Variants in PRKAR1B observed in about 807,000 individuals in gnomAD.
PRKAR1B encodes the protein cAMP-dependent protein kinase type I-beta regulatory subunit.
PRKAR1B carries 22 observed loss-of-function variants against 46.5 expected under a neutral mutation model. The ratio of observed to expected loss-of-function variants is 0.47; its 90% CI spans 0.34 to 0.68. The LOEUF (loss-of-function observed/expected upper bound fraction) is 0.68, where lower values mean the gene tolerates loss of function less well. Ranked by LOEUF, PRKAR1B falls within the 30% of genes least tolerant of loss-of-function variation. The probability of loss-of-function intolerance (pLI) is 0.01; values close to 1 mark genes in which losing one functional copy is unlikely to be tolerated. For missense variants in PRKAR1B, 445 were observed against 535.6 expected (o/e 0.83, Z 1.67); for synonymous variants, 259 against 217.7 (o/e 1.19, Z -1.67).
chr7:674,564 A>G (rs1021032683), intron 4 of PRKAR1B, among the ~76,000 whole-genome samples: 21 of 150,964 alleles, frequency 1.4e-4, no homozygotes, highest in Admixed American at 1.4e-3. Flanking sequence ...ACACCCAGCT[A>G]CTCTGGCCAC....
chr7:723,711 C>T (rs951453273), intron 1 of PRKAR1B, among the ~76,000 whole-genome samples: 1 of 152,226 alleles, frequency 6.6e-6, no homozygotes, highest in South Asian at 2.1e-4. Flanking sequence ...CCAATGCTCC[C>T]ACCTTGAAAT....
chr7:697,670 C>A (rs1779815270), intron 2 of PRKAR1B, among the ~76,000 whole-genome samples: 1 of 151,834 alleles, frequency 6.6e-6, no homozygotes, highest in African/African-American at 2.4e-5. Context: ...CAGGCCAGGA[C>A]CCATAAGCCC....
chr7:627,178 T>TG (rs1783451554), intron 4 of PRKAR1B, among the ~76,000 whole-genome samples: 1 of 151,994 alleles, frequency 6.6e-6, no homozygotes, highest in Non-Finnish European at 1.5e-5. Context: ...TTTGTAGAGA[T>TG]GGGGTCTCGT....
chr7:577,115 G>T (rs990576199), intron 9 of PRKAR1B, among the ~76,000 whole-genome samples: 4 of 151,358 alleles, frequency 2.6e-5, no homozygotes, highest in African/African-American at 7.3e-5. Flanking sequence ...CTCGTCCAAC[G>T]CCATCAGCGG....
At chr7:651,070 C>A (rs1038809265) in intron 4 of PRKAR1B, among the ~76,000 whole-genome samples, 1 of 152,250 alleles carries the variant, frequency 6.6e-6, no homozygotes. Flanking sequence ...CGGGTTCCTG[C>A]TTTGGTGCTG....
At chr7:583,599 C>G (rs1434695268) in intron 8 of PRKAR1B, among the ~76,000 whole-genome samples, 1 of 84,076 alleles carries the variant, frequency 1.2e-5, no homozygotes, top group Admixed American at 1.1e-4. Context: ...CCCAGGTGCA[C>G]ACACACCCCC....
chr7:717,964 C>T (rs1780937660), intron 1 of PRKAR1B, among the ~76,000 whole-genome samples: 1 of 152,090 alleles, frequency 6.6e-6, no homozygotes, highest in Admixed American at 6.6e-5. Flanking sequence ...ATCTGCCTTG[C>T]CAGGGGACTC....
chr7:656,523 G>A (rs773245221), intron 4 of PRKAR1B, among the ~76,000 whole-genome samples: 4 of 152,242 alleles, frequency 2.6e-5, no homozygotes, highest in Non-Finnish European at 4.4e-5. Context: ...CTAAATGTAT[G>A]GATAAGGGGG....
At chr7:577,003 A>G (rs888609978) in intron 9 of PRKAR1B, among the ~76,000 whole-genome samples, 1 of 146,992 alleles carries the variant, frequency 6.8e-6, no homozygotes, top group African/African-American at 2.6e-5. Flanking sequence ...GCCTCATCCA[A>G]CTCCATCAGT....
At chr7:697,365 G>A (rs963848452) in intron 2 of PRKAR1B, among the ~76,000 whole-genome samples, 7 of 151,690 alleles carry the variant, frequency 4.6e-5, no homozygotes, top group African/African-American at 1.5e-4. Flanking sequence ...TCCTGCCTGC[G>A]GCCCGGTTCT....
chr7:677,151 C>T (rs1778373711), intron 4 of PRKAR1B, 78 bp downstream of exon 4: 1 of 1,389,312 alleles, frequency 7.2e-7, no homozygotes, highest in Non-Finnish European at 1.0e-6. Flanking sequence ...GATGCCCAGG[C>T]AAGTGGCGGG....
intron 8 of PRKAR1B, among the ~76,000 whole-genome samples, chr7:583,628 ACC>A (rs1234978369): frequency 7.8e-6 from 1 of 127,762 alleles, no homozygotes; most frequent in African/African-American, 3.1e-5. Flanking sequence ...GCACACTCAA[ACC>A]CCCACACTCA....
chr7:657,250 T>C (rs1583367987), intron 4 of PRKAR1B, among the ~76,000 whole-genome samples: 1 of 146,912 alleles, frequency 6.8e-6, no homozygotes, highest in African/African-American at 2.5e-5. Context: ...AATGAATGGA[T>C]GGATGAATGG....
chr7:549,968 A>G lies in PRKAR1B; in HGVS notation c.*462T>C. 6.0e-6 allele frequency: 1 copy of G among 167,504 alleles called. No homozygotes were observed. Among genetic ancestry groups the G allele is most frequent in the South Asian group, 1.4e-4 (1 of 6,934 alleles). The allele number at this position is 167,504 out of a possible 1,614,324, so 10.4% of individuals were successfully genotyped here. The stretch of plus-strand genomic sequence containing the variant: ...TCTTCGGCCTCAACTCCCTGCTCTC[A>G]GCCTCATCTCCCCTGGGGGGCAGCC... On this transcript the variant is annotated 3_prime_UTR_variant, in exon 11 of 11. Transcript: ENST00000537384.
intron 4 of PRKAR1B, among the ~76,000 whole-genome samples, chr7:626,786 C>T (rs755588121): frequency 1.8e-4 from 27 of 152,014 alleles, no homozygotes; most frequent in Non-Finnish European, 5.9e-5. Context: ...TCATAGCTCA[C>T]TGCAGCCTTG....
intron 9 of PRKAR1B, among the ~76,000 whole-genome samples, chr7:577,676 G>A (rs922016401): frequency 9.2e-5 from 14 of 152,198 alleles, no homozygotes; most frequent in African/African-American, 1.7e-4. Context: ...GCATGAATCC[G>A]AAGGGAGGGG....
At chr7:723,056 G>A (rs763991648) in intron 1 of PRKAR1B, among the ~76,000 whole-genome samples, 4 of 152,150 alleles carry the variant, frequency 2.6e-5, no homozygotes, top group Non-Finnish European at 4.4e-5. Context: ...TCCCTGGGCC[G>A]CCTGGTGTCA....
At chr7:577,867 G>C (rs9330376) in intron 9 of PRKAR1B, among the ~76,000 whole-genome samples, 1 of 152,030 alleles carries the variant, frequency 6.6e-6, no homozygotes, top group Admixed American at 6.5e-5. Context: ...GTTACAGCTC[G>C]GAGCCGCTCC....
chr7:695,201 TG>T (rs1779663482), intron 2 of PRKAR1B, among the ~76,000 whole-genome samples: 1 of 151,944 alleles, frequency 6.6e-6, no homozygotes, highest in Admixed American at 6.6e-5. Flanking sequence ...GGTGCAGGGA[TG>T]GTTTTGGGGC....
Sources: gnomAD v4.1 joint callset for allele counts (sites outside exome capture counted in the v4.1 genomes callset) on GRCh38, gnomAD v4.1.1 for gene constraint, MANE v1.5 for transcripts, NCBI Gene and HGNC (gene_info 2026-07-23, HGNC 2026-07-21) for gene names.